Variants in ZNF423 observed in about 807,000 individuals in gnomAD.
ZNF423 encodes the protein Ebf-associated zinc finger protein.
Under a neutral mutation model 95.8 loss-of-function variants are expected in ZNF423, and 12 were observed. The ratio of observed to expected loss-of-function variants is 0.13; its 90% CI spans 0.08 to 0.20. ZNF423 has a LOEUF of 0.20. Among genes scored for constraint, ZNF423 ranks in the 10% least tolerant of loss-of-function variants. The probability of loss-of-function intolerance (pLI) is 1.00; values close to 1 mark genes in which losing one functional copy is unlikely to be tolerated. For missense variants in ZNF423, 1,316 were observed against 1,737.1 expected (o/e 0.76, Z 4.31); for synonymous variants, 749 against 711.9 (o/e 1.05, Z -0.83).
At position 49,565,180 on chromosome 16, in the gene ZNF423, G is replaced by C. The variant is rs549172965; in HGVS notation, c.3602-39686C>G. Among the ~76,000 whole-genome samples, 20 of 152,232 alleles carry C rather than the reference G, an allele frequency of 1.3e-4. No homozygotes were observed. The South Asian group carries it at 2.3e-3, about 17-fold the overall frequency. Reference sequence around the variant, plus strand: ...AGCTAGCTGAAAATTGTCTGCATACGGGCGAACCATTTGTAACCCTTTTCA... The same window carrying C: ...AGCTAGCTGAAAATTGTCTGCATACCGGCGAACCATTTGTAACCCTTTTCA... On this transcript the variant is annotated intron_variant, in intron 5 of 7. Coordinates refer to ENST00000563137, the MANE Select transcript of ZNF423 (RefSeq NM_001379286.1).
chr16:49,611,395 A>G (rs1415450858), intron 5 of ZNF423, among the ~76,000 whole-genome samples: 1 of 152,070 alleles, frequency 6.6e-6, no homozygotes, highest in African/African-American at 2.4e-5. Context: ...GTACCTCTAA[A>G]TAATCATGGA....
chr16:49,622,695 G>C (rs892183748), intron 5 of ZNF423, among the ~76,000 whole-genome samples: 3 of 152,186 alleles, frequency 2.0e-5, no homozygotes, highest in African/African-American at 7.2e-5. Flanking sequence ...ACACAATGGA[G>C]GGACCCTAGC....
intron 3 of ZNF423, among the ~76,000 whole-genome samples, chr16:49,684,565 G>A (rs1029742026): frequency 7.9e-5 from 12 of 152,206 alleles, no homozygotes; most frequent in African/African-American, 2.7e-4. Context: ...TTAAAAGTCT[G>A]CTTTGGGCTG....
At chr16:49,811,360 G>T (rs1053960661) in intron 1 of ZNF423, among the ~76,000 whole-genome samples, 2 of 152,072 alleles carry the variant, frequency 1.3e-5, no homozygotes, top group African/African-American at 4.8e-5. Context: ...TCAAATGATC[G>T]CAGGGGAAAT....
upstream of ZNF423, among the ~76,000 whole-genome samples, chr16:49,858,305 CCCGG>C (rs2035393622): frequency 6.6e-6 from 1 of 150,608 alleles, no homozygotes; most frequent in Non-Finnish European, 1.5e-5. This position sits in a 1 kb window ranked among gnomAD's most constrained non-coding sequence, Gnocchi z 4.3. Flanking sequence ...GCCAGCCGGG[CCCGG>C]CCCCGCTCAG....
chr16:49,499,435 G>T (rs1285855770), intron 7 of ZNF423, among the ~76,000 whole-genome samples: 1 of 152,246 alleles, frequency 6.6e-6, no homozygotes, highest in East Asian at 1.9e-4. Flanking sequence ...GGAGCAAGGG[G>T]ATTGGCTTTG....
chr16:49,730,499 C>A, intron 3 of ZNF423: 1 of 502,738 alleles, frequency 2.0e-6, no homozygotes. Context: ...CACATCCACC[C>A]ATTCATGGCC....
At chr16:49,735,857 A>G (rs1242095049) in intron 2 of ZNF423, among the ~76,000 whole-genome samples, 3 of 152,226 alleles carry the variant, frequency 2.0e-5, no homozygotes, top group African/African-American at 2.4e-5. Flanking sequence ...CTGCAACTGT[A>G]CAAGAAACAC....
intron 3 of ZNF423, among the ~76,000 whole-genome samples, chr16:49,697,377 C>T (rs575487660): frequency 6.6e-6 from 1 of 152,130 alleles, no homozygotes; most frequent in Non-Finnish European, 1.5e-5. Flanking sequence ...TGGCTTATCA[C>T]ATCACCTTCT....
chr16:49,754,790 C>T lies in ZNF423; in HGVS notation c.101-23819G>A, dbSNP rs373153970. 6.1e-4 allele frequency among the ~76,000 whole-genome samples: 93 copies of T among 152,276 alleles called. 3 individuals carry two copies. The South Asian group carries it at 0.019, about 31-fold the overall frequency. On this transcript the variant is annotated intron_variant, in intron 2 of 7. Coordinates refer to ENST00000563137, the MANE Select transcript of ZNF423 (RefSeq NM_001379286.1). Reference sequence around the variant, plus strand: ...TATGGGGGGCTTGCGGGCCTGGGGTCGGAAGGAAAGAAAAAACTTTTTTTG... The same window carrying T: ...TATGGGGGGCTTGCGGGCCTGGGGTTGGAAGGAAAGAAAAAACTTTTTTTG...
chr16:49,775,874 G>C (rs1476632138), intron 2 of ZNF423, among the ~76,000 whole-genome samples: 2 of 152,202 alleles, frequency 1.3e-5, no homozygotes, highest in Non-Finnish European at 2.9e-5. Context: ...TGTCTTTTTG[G>C]TCTGCAGGGT....
chr16:49,675,179 C>A (rs2030994079), intron 3 of ZNF423, among the ~76,000 whole-genome samples: 1 of 152,168 alleles, frequency 6.6e-6, no homozygotes, highest in South Asian at 2.1e-4. Flanking sequence ...CATCACTAAA[C>A]CTCTCTGAGC....
chr16:49,529,189 T>C (rs1244415462), intron 5 of ZNF423, among the ~76,000 whole-genome samples: 1 of 151,184 alleles, frequency 6.6e-6, no homozygotes, highest in Non-Finnish European at 1.5e-5. Context: ...ACAACTCAAG[T>C]GAATTATGCA....
chr16:49,508,369 C>T (rs774527156), intron 7 of ZNF423, among the ~76,000 whole-genome samples: 2 of 151,878 alleles, frequency 1.3e-5, no homozygotes, highest in Non-Finnish European at 2.9e-5. Context: ...AAAATAAAAA[C>T]GTTAGCTGGG....
intron 5 of ZNF423, among the ~76,000 whole-genome samples, chr16:49,564,402 C>T (rs1388574880): frequency 6.6e-6 from 1 of 152,184 alleles, no homozygotes; most frequent in African/African-American, 2.4e-5. Flanking sequence ...CAAGTAGCAT[C>T]TGTGACAATG....
chr16:49,500,793 A>G (rs12446591), intron 7 of ZNF423, among the ~76,000 whole-genome samples: 19,022 of 151,682 alleles, frequency 0.13, 1,315 homozygotes, highest in East Asian at 0.22. Context: ...CTGTAGTCCC[A>G]GCTACTCGGA....
chr16:49,817,230 C>G (rs537956546), intron 1 of ZNF423, among the ~76,000 whole-genome samples: 3 of 152,126 alleles, frequency 2.0e-5, no homozygotes, highest in Non-Finnish European at 4.4e-5. Context: ...GTCCTAGCAG[C>G]GGAGAGGGGA....
chr16:49,571,429 C>T (rs978547794), intron 5 of ZNF423, among the ~76,000 whole-genome samples: 43 of 152,058 alleles, frequency 2.8e-4, no homozygotes, highest in Non-Finnish European at 1.3e-4. Flanking sequence ...GGCATCAGGC[C>T]TGTGTCTTGG....
chr16:49,785,836 G>C (rs1305803741), intron 2 of ZNF423, among the ~76,000 whole-genome samples: 1 of 152,228 alleles, frequency 6.6e-6, no homozygotes, highest in Non-Finnish European at 1.5e-5. Flanking sequence ...ACATTTGTAA[G>C]GAGTTCACAC....
Sources: allele counts gnomAD v4.1 joint callset (sites outside exome capture counted in the v4.1 genomes callset), GRCh38; gene constraint gnomAD v4.1.1; non-coding constraint Gnocchi (gnomAD v3.1); transcripts MANE v1.5; gene names NCBI Gene and HGNC (gene_info 2026-07-23, HGNC 2026-07-21).